The following TMEM74 variants were observed in gnomAD, a reference collection of about 807,000 sequenced individuals.
TMEM74 encodes transmembrane protein 74.
Under a neutral mutation model 18.1 loss-of-function variants are expected in TMEM74, and 13 were observed. The ratio of observed to expected loss-of-function variants is 0.72; its 90% CI spans 0.47 to 1.14. TMEM74 has a LOEUF of 1.14. Ranked by LOEUF, TMEM74 falls within the 50% of genes most tolerant of loss-of-function variation. The pLI is 0.00. For missense variants in TMEM74, 372 were observed against 375.9 expected (o/e 0.99, Z 0.09); for synonymous variants, 159 against 146.6 (o/e 1.08, Z -0.61).
At chr8:108,648,699 A>G (rs1812744586) in intron 2 of TMEM74, among the ~76,000 whole-genome samples, 1 of 152,102 alleles carries the variant, frequency 6.6e-6, no homozygotes, top group Non-Finnish European at 1.5e-5. Context: ...AGGAGTCATG[A>G]GATAAAGAAT....
At chr8:108,683,871 G>T (rs1196406847) in intron 1 of TMEM74, among the ~76,000 whole-genome samples, 1 of 151,882 alleles carries the variant, frequency 6.6e-6, no homozygotes, top group African/African-American at 2.4e-5. Context: ...TCGTTTGCTG[G>T]TTTATTTCAC....
Position 108,783,012 on chromosome 8 carries a change from C to T in TMEM74, c.*1169G>A, listed in dbSNP as rs531273971. Among the ~76,000 whole-genome samples the T allele has an allele frequency of 4.2e-4, 64 of 152,336 alleles. No homozygotes were observed. Among genetic ancestry groups the T allele is most frequent in the African/African-American group, 1.5e-3 (64 of 41,574 alleles). On this transcript the variant is annotated 3_prime_UTR_variant, in exon 2 of 2. Coordinates refer to ENST00000297459, the MANE Select transcript of TMEM74 (RefSeq NM_153015.3). ...TGCATGAGGCAAGAGTTCACAGTTG[C>T]TGAATGACATCTAGACCACTGTGAG...
intron 1 of TMEM74, among the ~76,000 whole-genome samples, chr8:108,670,430 C>A (rs1812992616): frequency 6.6e-6 from 1 of 152,132 alleles, no homozygotes; most frequent in Admixed American, 6.5e-5. Flanking sequence ...TATGTGAGAG[C>A]TTTAGATCAT....
chr8:108,614,959 G>A (rs1300080070), intron 2 of TMEM74, among the ~76,000 whole-genome samples: 1 of 152,070 alleles, frequency 6.6e-6, no homozygotes, highest in Non-Finnish European at 1.5e-5. Flanking sequence ...TCTGAGACCT[G>A]CACCATACTA....
intron 1 of TMEM74, among the ~76,000 whole-genome samples, chr8:108,756,650 GAGAA>G (rs71305914): frequency 0.033 from 903 of 27,078 alleles, 50 homozygotes; most frequent in Middle Eastern, 0.042. Flanking sequence ...AAGAAAGAAA[GAGAA>G]AGAAAGAAAG....
chr8:108,659,527 C>T (rs1812879516), intron 1 of TMEM74, among the ~76,000 whole-genome samples: 2 of 152,100 alleles, frequency 1.3e-5, no homozygotes, highest in Non-Finnish European at 2.9e-5. Context: ...GTGAGCTTGC[C>T]TAGCTTCCCA....
chr8:108,685,008 G>T (rs1055453266), intron 1 of TMEM74, among the ~76,000 whole-genome samples: 1 of 151,952 alleles, frequency 6.6e-6, no homozygotes, highest in Non-Finnish European at 1.5e-5. Context: ...CATTGAATCT[G>T]CAGATTACTT....
At chr8:108,757,639 T>C (rs575017241) in intron 1 of TMEM74, among the ~76,000 whole-genome samples, 1 of 152,124 alleles carries the variant, frequency 6.6e-6, no homozygotes, top group South Asian at 2.1e-4. Flanking sequence ...ATACATTGCT[T>C]TTAATGCCTC....
At chr8:108,728,824 G>A (rs959612219) in intron 1 of TMEM74, among the ~76,000 whole-genome samples, 1 of 152,146 alleles carries the variant, frequency 6.6e-6, no homozygotes, top group African/African-American at 2.4e-5. Flanking sequence ...ACAAATACTT[G>A]TTGAATGAAT....
chr8:108,747,776 A>T (rs531133985), intron 1 of TMEM74, among the ~76,000 whole-genome samples: 4 of 133,238 alleles, frequency 3.0e-5, no homozygotes, highest in African/African-American at 1.2e-4. Context: ...ATGTGTCCTC[A>T]TTATTTAGCT....
At chr8:108,732,982 T>C (rs937444289) in intron 1 of TMEM74, among the ~76,000 whole-genome samples, 3 of 152,010 alleles carry the variant, frequency 2.0e-5, no homozygotes, top group East Asian at 3.9e-4. Context: ...TCAAAACACA[T>C]TGAAAAAAGA....
At position 108,771,969 on chromosome 8, in the gene TMEM74, A is replaced by T. The variant is rs559194791; in HGVS notation, n.119+15507T>A. Among the ~76,000 whole-genome samples the T allele has an allele frequency of 3.3e-5, 5 of 152,080 alleles. No individual in the cohort carries two copies. In the East Asian group the frequency reaches 7.7e-4, roughly 23 times the overall value. On this transcript the variant is annotated intron_variant and non_coding_transcript_variant, in intron 1 of 3. Transcript: ENST00000518838. ...TCATAGCAACATTAAATGTTGCTTT[A>T]AAAAAAAGAAACATAATTTCCATTT... is the stretch of plus-strand genomic sequence containing the variant.
chr8:108,664,246 C>T (rs1175548946), intron 1 of TMEM74, among the ~76,000 whole-genome samples: 2 of 152,146 alleles, frequency 1.3e-5, no homozygotes, highest in Non-Finnish European at 2.9e-5. Flanking sequence ...ATTGATTCTT[C>T]CTATCCATGA....
At chr8:108,612,074 G>A (rs924650826) in intron 2 of TMEM74, among the ~76,000 whole-genome samples, 3 of 152,026 alleles carry the variant, frequency 2.0e-5, no homozygotes, top group Non-Finnish European at 4.4e-5. Context: ...CAGCATGGAG[G>A]TAACCACCCC....
intron 1 of TMEM74, among the ~76,000 whole-genome samples, chr8:108,746,981 T>C (rs1035578336): frequency 6.6e-6 from 1 of 152,138 alleles, no homozygotes; most frequent in Non-Finnish European, 1.5e-5. Flanking sequence ...GCCAATCTAG[T>C]AAGTAAATTG....
At chr8:108,734,257 G>A (rs903157360) in intron 1 of TMEM74, among the ~76,000 whole-genome samples, 3 of 152,142 alleles carry the variant, frequency 2.0e-5, no homozygotes, top group African/African-American at 7.2e-5. Context: ...CCAGCCTGTG[G>A]ACTCCAGTGG....
At chr8:108,786,566 G>A (rs1181731512) in intron 1 of TMEM74, among the ~76,000 whole-genome samples, 3 of 152,114 alleles carry the variant, frequency 2.0e-5, no homozygotes, top group African/African-American at 4.8e-5. Flanking sequence ...AACAAAAAAA[G>A]CAAAACAGAA....
At chr8:108,772,993 A>C (rs935384157) in intron 1 of TMEM74, among the ~76,000 whole-genome samples, 4 of 152,194 alleles carry the variant, frequency 2.6e-5, no homozygotes, top group African/African-American at 9.6e-5. Flanking sequence ...CATAAGCATC[A>C]ATAAGTAAGT....
At chr8:108,762,567 T>C (rs944978850) in intron 1 of TMEM74, among the ~76,000 whole-genome samples, 1 of 152,170 alleles carries the variant, frequency 6.6e-6, no homozygotes, top group Non-Finnish European at 1.5e-5. Context: ...ACAGCATTTA[T>C]CTTGTCACCA....
Sources: gnomAD v4.1 joint callset for allele counts (sites outside exome capture counted in the v4.1 genomes callset) on GRCh38, gnomAD v4.1.1 for gene constraint, MANE v1.5 for transcripts, NCBI Gene and HGNC (gene_info 2026-07-23, HGNC 2026-07-21) for gene names.